The following NBEA variants were observed in gnomAD, a reference collection of about 807,000 sequenced individuals.
NBEA encodes lysosomal-trafficking regulator 2.
In NBEA, 44 loss-of-function variants were observed where a neutral mutation model predicts 343.4. The observed-to-expected ratio is 0.13, with a 90% CI of 0.10 to 0.16. The LOEUF (loss-of-function observed/expected upper bound fraction) is 0.16. Among genes scored for constraint, NBEA ranks in the 10% least tolerant of loss-of-function variants. The pLI is 1.00. For missense variants in NBEA, 2,555 were observed against 3,631.3 expected (o/e 0.70, Z 7.62); for synonymous variants, 1,175 against 1,238.7 (o/e 0.95, Z 1.08).
intron 24 of NBEA, 155 bp downstream of exon 24, chr13:35,164,664 A>T (rs1431212347): frequency 1.2e-6 from 1 of 808,112 alleles, no homozygotes; most frequent in Non-Finnish European, 1.9e-6. Context: ...ACTTTTGTTT[A>T]TCAGTGTTGG....
At chr13:35,473,198 A>G (rs945162033) in intron 41 of NBEA, among the ~76,000 whole-genome samples, 2 of 151,788 alleles carry the variant, frequency 1.3e-5, no homozygotes, top group African/African-American at 4.8e-5. Flanking sequence ...TAAACACCAG[A>G]GTATTAGAGT....
chr13:35,379,554 T>G (rs1356726046), intron 38 of NBEA, among the ~76,000 whole-genome samples: 1 of 152,164 alleles, frequency 6.6e-6, no homozygotes, highest in Admixed American at 6.5e-5. Context: ...TTATGATTAG[T>G]GATTTCTGTT....
chr13:35,493,389 G>A (rs539099529), intron 41 of NBEA, among the ~76,000 whole-genome samples: 18 of 151,964 alleles, frequency 1.2e-4, no homozygotes, highest in African/African-American at 4.3e-4. Context: ...TGGAGCCAGG[G>A]AATTCATAGA....
chr13:35,581,269 C>A (rs1433411987), intron 45 of NBEA, among the ~76,000 whole-genome samples: 1 of 151,986 alleles, frequency 6.6e-6, no homozygotes, highest in Non-Finnish European at 1.5e-5. Context: ...TTCTCCACAT[C>A]CTCTCCAGCA....
intron 1 of NBEA, among the ~76,000 whole-genome samples, chr13:34,985,825 AG>A (rs2060524197): frequency 6.6e-6 from 1 of 150,554 alleles, no homozygotes; most frequent in African/African-American, 2.4e-5. Flanking sequence ...ATTTGCATTG[AG>A]GTGTTTATAT....
intron 38 of NBEA, among the ~76,000 whole-genome samples, chr13:35,427,323 CT>C (rs1170333122): frequency 6.6e-6 from 1 of 152,132 alleles, no homozygotes; most frequent in African/African-American, 2.4e-5. Context: ...TGTGGATGTC[CT>C]TCCTGTTTGT....
chr13:35,070,244 C>A, intron 9 of NBEA, 139 bp downstream of exon 9: 1 of 809,012 alleles, frequency 1.2e-6, no homozygotes. Context: ...TTAAGTGAAA[C>A]TTTAAAGAAT....
intron 2 of NBEA, among the ~76,000 whole-genome samples, chr13:35,044,669 T>C (rs2152560467): frequency 6.6e-6 from 1 of 151,432 alleles, no homozygotes; most frequent in Non-Finnish European, 1.5e-5. Context: ...AAAATCTATT[T>C]TACATTTCTG....
chr13:35,579,148 T>C (rs1384874496), intron 45 of NBEA, among the ~76,000 whole-genome samples: 1 of 152,152 alleles, frequency 6.6e-6, no homozygotes, highest in African/African-American at 2.4e-5. Context: ...TTATGATATA[T>C]TAGAATTCAG....
At chr13:35,362,550 C>G (rs1241661265) in intron 38 of NBEA, among the ~76,000 whole-genome samples, 1 of 151,914 alleles carries the variant, frequency 6.6e-6, no homozygotes, top group Non-Finnish European at 1.5e-5. Flanking sequence ...TTGAGTTAGA[C>G]TAAACAGTCT....
intron 36 of NBEA, among the ~76,000 whole-genome samples, chr13:35,319,655 T>C (rs2037998892): frequency 6.6e-6 from 1 of 152,156 alleles, no homozygotes; most frequent in Non-Finnish European, 1.5e-5. Flanking sequence ...CCTTGTTAAT[T>C]TTCTCTCGTT....
At chr13:35,476,533 T>C (rs2075881550) in intron 41 of NBEA, 2 of 611,922 alleles carry the variant, frequency 3.3e-6, no homozygotes, top group East Asian at 5.5e-5. Flanking sequence ...GCTCTTCCAG[T>C]AGTCAAAATA....
chr13:35,528,730 A>G (rs2078105167), intron 41 of NBEA, among the ~76,000 whole-genome samples: 1 of 152,210 alleles, frequency 6.6e-6, no homozygotes, highest in Non-Finnish European at 1.5e-5. Flanking sequence ...TACATATTTT[A>G]TATAAGAAAA....
Position 35,171,499 on chromosome 13 carries a change from G to A in NBEA, c.4423+47G>A, listed in dbSNP as rs767592988. ...TGCATGTCAAATAATTATCTACAGA[G>A]CAGCTTTATAAAGCACTATGGTACA... is the stretch of plus-strand genomic sequence containing the variant. On this transcript the variant is annotated intron_variant, in intron 26 of 58. Coordinates refer to ENST00000379939, the MANE Select transcript of NBEA (RefSeq NM_001385012.1). 5.3e-6 allele frequency: 8 copies of A among 1,504,782 alleles called. No individual in the cohort carries two copies. The Admixed American group carries it at 9.1e-5, about 17-fold the overall frequency. 93.2% of individuals were successfully genotyped at this position (1,504,782 alleles called of 1,614,324 possible).
chr13:35,557,497 C>G (rs1566316810), intron 44 of NBEA, among the ~76,000 whole-genome samples: 3 of 152,084 alleles, frequency 2.0e-5, no homozygotes. Context: ...CATGCAGACT[C>G]TGGTGGGAAT....
intron 40 of NBEA, among the ~76,000 whole-genome samples, chr13:35,454,498 C>T (rs1168953446): frequency 1.3e-5 from 2 of 152,164 alleles, no homozygotes; most frequent in Non-Finnish European, 2.9e-5. Context: ...CATAACATGT[C>T]ATTCTAAGTA....
intron 1 of NBEA, among the ~76,000 whole-genome samples, chr13:35,025,739 C>A (rs1258184786): frequency 6.6e-6 from 1 of 152,142 alleles, no homozygotes; most frequent in Non-Finnish European, 1.5e-5. Context: ...ACTAGTCTCA[C>A]TTGTCTCTCA....
intron 41 of NBEA, among the ~76,000 whole-genome samples, chr13:35,528,507 G>T (rs1318555239): frequency 6.6e-6 from 1 of 152,140 alleles, no homozygotes; most frequent in African/African-American, 2.4e-5. Context: ...TTGGGAATAA[G>T]GTTAATATTT....
intron 41 of NBEA, among the ~76,000 whole-genome samples, chr13:35,506,408 C>T (rs577201129): frequency 1.1e-4 from 16 of 152,180 alleles, no homozygotes; most frequent in South Asian, 6.2e-4. Flanking sequence ...TTACTATTTA[C>T]GGCAGTAGTT....
Sources: gnomAD v4.1 joint callset for allele counts (sites outside exome capture counted in the v4.1 genomes callset) on GRCh38, gnomAD v4.1.1 for gene constraint, MANE v1.5 for transcripts, NCBI Gene and HGNC (gene_info 2026-07-23, HGNC 2026-07-21) for gene names.